Variants in WDFY3 observed in about 807,000 individuals in gnomAD.
The protein encoded by WDFY3 is WD repeat and FYVE domain-containing protein 3.
In WDFY3, 66 loss-of-function variants were observed where a neutral mutation model predicts 409.6. The observed-to-expected ratio is 0.16, with a 90% confidence interval of 0.13 to 0.20. WDFY3 has a LOEUF of 0.20. Among genes scored for constraint, WDFY3 ranks in the 10% least tolerant of loss-of-function variants. The pLI is 1.00. For synonymous variants in WDFY3, 1,521 were observed against 1,537.1 expected (o/e 0.99, Z 0.25); for missense variants, 3,031 against 4,298.1 (o/e 0.71, Z 8.24).
intron 5 of WDFY3, among the ~76,000 whole-genome samples, chr4:84,847,773 C>CA (rs1202619194): frequency 0.035 from 1,065 of 30,252 alleles, 14 homozygotes; most frequent in African/African-American, 0.057. Context: ...GACTCCGTCC[C>CA]AAAAAAAAAA....
intron 24 of WDFY3, among the ~76,000 whole-genome samples, chr4:84,784,561 G>A (rs1434730764): frequency 1.3e-5 from 2 of 151,996 alleles, no homozygotes; most frequent in Non-Finnish European, 2.9e-5. Context: ...CCTTGAGCCG[G>A]GTGGGATGGC....
rs555510947 is a variant in WDFY3 at position 84,712,998 on chromosome 4, A to G, written c.8042+161T>C. Among the ~76,000 whole-genome samples, 4 of 152,334 alleles carry G rather than the reference A, an allele frequency of 2.6e-5. No individual in the cohort carries two copies. In the East Asian group the frequency reaches 7.7e-4, roughly 29 times the overall value. On this transcript the variant is annotated intron_variant, in intron 51 of 67. Transcript: ENST00000295888. ...CAGTGATTTGACACAGTGCTTATGCATACCTTTTTCTTTTCTTCCTTTAGT... is the reference window on the plus strand; with the variant it reads ...CAGTGATTTGACACAGTGCTTATGCGTACCTTTTTCTTTTCTTCCTTTAGT...
chr4:84,733,277 T>C, intron 44 of WDFY3, 105 bp downstream of exon 44: 1 of 1,284,804 alleles, frequency 7.8e-7, no homozygotes, highest in Non-Finnish European at 1.1e-6. Context: ...GTTGAATTTT[T>C]AAAATTAGCT....
At chr4:84,952,743 CAA>C (rs765563963) in intron 1 of WDFY3, among the ~76,000 whole-genome samples, 1 of 140,888 alleles carries the variant, frequency 7.1e-6, no homozygotes, top group Admixed American at 7.1e-5. Context: ...TCATCTTGAC[CAA>C]AAAAAAAAAA....
intron 40 of WDFY3, among the ~76,000 whole-genome samples, 190 bp downstream of exon 40, chr4:84,738,820 A>C (rs534699143): frequency 6.6e-6 from 1 of 152,334 alleles, no homozygotes; most frequent in Admixed American, 6.5e-5. Flanking sequence ...CTAAGAAATG[A>C]TGAGCTTAGC....
chr4:84,936,371 A>G (rs1771412045), intron 1 of WDFY3, among the ~76,000 whole-genome samples: 1 of 152,050 alleles, frequency 6.6e-6, no homozygotes, highest in South Asian at 2.1e-4. Context: ...AAATTTAAAA[A>G]TTAGCTGGGC....
chr4:84,826,172 GA>G (rs201472578), intron 10 of WDFY3, among the ~76,000 whole-genome samples: 2 of 150,010 alleles, frequency 1.3e-5, no homozygotes, highest in African/African-American at 2.4e-5. Flanking sequence ...AAGTATTAAA[GA>G]AAAAAAAAGG....
intron 1 of WDFY3, among the ~76,000 whole-genome samples, chr4:84,959,883 T>C (rs965333715): frequency 5.3e-5 from 8 of 152,222 alleles, no homozygotes; most frequent in African/African-American, 1.7e-4. Flanking sequence ...CATTACAGTA[T>C]TAGATGAGAA....
chr4:84,687,593 A>G (rs1332702804), intron 62 of WDFY3: 1 of 152,352 alleles, frequency 6.6e-6, no homozygotes, highest in Non-Finnish European at 1.5e-5. Context: ...TCTGGATTAC[A>G]AACTTTAACA....
intron 2 of WDFY3, among the ~76,000 whole-genome samples, chr4:84,905,571 G>C (rs1421514116): frequency 6.6e-6 from 1 of 152,086 alleles, no homozygotes; most frequent in Non-Finnish European, 1.5e-5. Context: ...TCTTTCACCT[G>C]AACTACTATA....
intron 49 of WDFY3, among the ~76,000 whole-genome samples, chr4:84,715,776 GAAAA>G (rs370627075): frequency 2.2e-5 from 1 of 46,470 alleles, no homozygotes; most frequent in East Asian, 6.2e-4. Context: ...CTCTGTCTCA[GAAAA>G]AAAAAAAAAA....
At chr4:84,915,716 A>T (rs1049856971) in intron 2 of WDFY3, among the ~76,000 whole-genome samples, 7 of 152,218 alleles carry the variant, frequency 4.6e-5, no homozygotes, top group African/African-American at 1.4e-4. Context: ...GGCTCTCAAG[A>T]GAAAAATATG....
intron 16 of WDFY3, among the ~76,000 whole-genome samples, chr4:84,802,328 C>T (rs1372545709): frequency 1.3e-5 from 2 of 149,548 alleles, no homozygotes; most frequent in Non-Finnish European, 3.0e-5. Flanking sequence ...TCTCGGCTCT[C>T]GGCTCACTGC....
At chr4:84,945,935 G>A (rs961053102) in intron 1 of WDFY3, among the ~76,000 whole-genome samples, 1 of 152,090 alleles carries the variant, frequency 6.6e-6, no homozygotes, top group Admixed American at 6.6e-5. Context: ...CAAAAATGGA[G>A]GCTATAGAAT....
chr4:84,773,113 T>C (rs1203008541), intron 29 of WDFY3, among the ~76,000 whole-genome samples, 184 bp from the exon 30 acceptor site: 3 of 152,112 alleles, frequency 2.0e-5, no homozygotes, highest in Non-Finnish European at 4.4e-5. Context: ...CTGGAGATTT[T>C]AGTTTCCTTG....
intron 1 of WDFY3, among the ~76,000 whole-genome samples, chr4:84,955,279 A>G (rs2151154710): frequency 6.6e-6 from 1 of 152,130 alleles, no homozygotes; most frequent in African/African-American, 2.4e-5. Context: ...AAGAACAGTA[A>G]AGAGGAATTA....
At chr4:84,786,585 T>C (rs939511202) in intron 23 of WDFY3, among the ~76,000 whole-genome samples, 1 of 152,202 alleles carries the variant, frequency 6.6e-6, no homozygotes, top group Non-Finnish European at 1.5e-5. Flanking sequence ...AATAAAGGCA[T>C]GTGTTTTAAA....
intron 44 of WDFY3, among the ~76,000 whole-genome samples, chr4:84,727,948 G>C (rs1368199303): frequency 6.6e-6 from 1 of 151,840 alleles, no homozygotes; most frequent in Non-Finnish European, 1.5e-5. Flanking sequence ...GAAGATAAAA[G>C]TATAATGTAT....
At position 84,918,796 on chromosome 4, in the gene WDFY3, C is replaced by T. The variant is rs184859308; in HGVS notation, c.-132+13474G>A. Among the ~76,000 whole-genome samples the T allele has an allele frequency of 3.6e-3, 533 of 148,956 alleles. 1 individual carries two copies. The highest frequency in any genetic ancestry group is 5.4e-3 in the Non-Finnish European group (365 of 67,402). ...ATGGGCATATACATGCAAACACATG[C>T]GCATATTTGTGTGTGTGTGTATATA... is the stretch of plus-strand genomic sequence containing the variant. On this transcript the variant is annotated intron_variant, in intron 2 of 67. Coordinates refer to ENST00000295888, the MANE Select transcript of WDFY3 (RefSeq NM_014991.6).
Sources: gnomAD v4.1 joint callset for allele counts (sites outside exome capture counted in the v4.1 genomes callset) on GRCh38, gnomAD v4.1.1 for gene constraint, MANE v1.5 for transcripts, NCBI Gene and HGNC (gene_info 2026-07-23, HGNC 2026-07-21) for gene names.